NTM: variants seen among roughly 807,000 people sequenced by gnomAD.
The protein encoded by NTM is IgLON family member 2.
NTM carries 13 observed loss-of-function variants against 42.1 expected under a neutral mutation model. That is an observed-to-expected ratio of 0.31 (90% CI 0.20 to 0.49). NTM has a LOEUF of 0.49. Ranked by LOEUF, NTM falls within the 20% of genes least tolerant of loss-of-function variation. The probability of loss-of-function intolerance (pLI) is 0.99; values close to 1 mark genes in which losing one functional copy is unlikely to be tolerated. For synonymous variants in NTM, 187 were observed against 179.2 expected (o/e 1.04, Z -0.35); for missense variants, 373 against 452.8 (o/e 0.82, Z 1.60).
At chr11:131,555,394 A>G (rs569152026) in intron 1 of NTM, among the ~76,000 whole-genome samples, 3 of 152,274 alleles carry the variant, frequency 2.0e-5, no homozygotes, top group Admixed American at 6.5e-5. Flanking sequence ...GATTAAATCT[A>G]TATTGAGGGC....
At chr11:131,648,154 C>T (rs1343953005) in intron 1 of NTM, among the ~76,000 whole-genome samples, 1 of 152,160 alleles carries the variant, frequency 6.6e-6, no homozygotes, top group African/African-American at 2.4e-5. Context: ...TGATGGCCTC[C>T]AGCTCCATCC....
chr11:131,955,721 G>A (rs2061490198), intron 2 of NTM, among the ~76,000 whole-genome samples: 1 of 151,462 alleles, frequency 6.6e-6, no homozygotes, highest in East Asian at 2.0e-4. Context: ...CCCACCTCTG[G>A]TGCTGTGCTG....
chr11:131,772,718 A>G (rs533871714), intron 1 of NTM, among the ~76,000 whole-genome samples: 2 of 152,346 alleles, frequency 1.3e-5, no homozygotes, highest in East Asian at 3.9e-4. Context: ...AGGACTCCTA[A>G]TCCATGGAAA....
intron 1 of NTM, chr11:131,536,401 C>T (rs1208280591): frequency 1.3e-5 from 2 of 152,144 alleles, no homozygotes; most frequent in Non-Finnish European, 1.5e-5. Flanking sequence ...TACTGGGGGA[C>T]ATGCACATAG....
At chr11:131,804,056 A>G (rs1475864297) in intron 1 of NTM, among the ~76,000 whole-genome samples, 1 of 152,142 alleles carries the variant, frequency 6.6e-6, no homozygotes, top group Non-Finnish European at 1.5e-5. Flanking sequence ...TCTGTCTCTC[A>G]GGCCTGCTGA....
chr11:132,325,105 C>T (rs2095650891), intron 7 of NTM, among the ~76,000 whole-genome samples: 1 of 151,986 alleles, frequency 6.6e-6, no homozygotes, highest in Non-Finnish European at 1.5e-5. Context: ...AGGACATAGG[C>T]GTGGGCAAGG....
chr11:131,464,193 A>G, intron 1 of NTM, among the ~76,000 whole-genome samples: 1 of 152,050 alleles, frequency 6.6e-6, no homozygotes, highest in Non-Finnish European at 1.5e-5. Context: ...TGAAAGTGTC[A>G]GGCAAAGCAA....
At chr11:131,844,940 A>G (rs1216518941) in intron 1 of NTM, among the ~76,000 whole-genome samples, 1 of 151,970 alleles carries the variant, frequency 6.6e-6, no homozygotes, top group Non-Finnish European at 1.5e-5. Context: ...TATTATCTTC[A>G]TTTCTTTGTC....
At chr11:132,071,805 C>T (rs12295553) in intron 2 of NTM, among the ~76,000 whole-genome samples, 40,613 of 151,758 alleles carry the variant, frequency 0.27, 5,756 homozygotes, top group African/African-American at 0.34. Flanking sequence ...CAAAAAAGTG[C>T]GTTGTATTAT....
At chr11:131,682,137 C>A (rs1465500507) in intron 1 of NTM, among the ~76,000 whole-genome samples, 1 of 152,104 alleles carries the variant, frequency 6.6e-6, no homozygotes, top group Non-Finnish European at 1.5e-5. Context: ...TGGGTCATCT[C>A]CCTGGCACGA....
intron 1 of NTM, among the ~76,000 whole-genome samples, chr11:131,689,483 C>T (rs1324674310): frequency 2.0e-5 from 3 of 152,272 alleles, no homozygotes; most frequent in Non-Finnish European, 4.4e-5. Context: ...TAATTCAACA[C>T]TATCTCAGTC....
chr11:131,886,807 G>A (rs924132871), intron 1 of NTM, among the ~76,000 whole-genome samples: 2 of 152,214 alleles, frequency 1.3e-5, no homozygotes, highest in Non-Finnish European at 2.9e-5. Flanking sequence ...GGGACGCTGT[G>A]TCTCCATACA....
intron 2 of NTM, among the ~76,000 whole-genome samples, chr11:132,093,016 C>G (rs549750384): frequency 3.3e-5 from 5 of 152,244 alleles, no homozygotes; most frequent in African/African-American, 9.6e-5. Flanking sequence ...CTAGAAAGAG[C>G]CTTTGAAATG....
chr11:131,429,003 C>T (rs1470126276), intron 1 of NTM, among the ~76,000 whole-genome samples: 4 of 151,806 alleles, frequency 2.6e-5, no homozygotes, highest in African/African-American at 9.7e-5. Flanking sequence ...TGCAGTAAGC[C>T]GAGATCGTGC....
chr11:132,069,496 C>T (rs868009539), intron 2 of NTM, among the ~76,000 whole-genome samples: 16 of 128,768 alleles, frequency 1.2e-4, no homozygotes, highest in African/African-American at 4.9e-4. Context: ...TGTCACACAG[C>T]CAAGTTAACA....
chr11:132,233,760 G>T (rs552760344), intron 4 of NTM, among the ~76,000 whole-genome samples: 7 of 152,234 alleles, frequency 4.6e-5, no homozygotes, highest in African/African-American at 1.7e-4. Context: ...TCCCTGCACT[G>T]CATGAACATG....
intron 1 of NTM, among the ~76,000 whole-genome samples, chr11:131,453,692 A>C (rs1950654293): frequency 6.6e-6 from 1 of 152,172 alleles, no homozygotes. Flanking sequence ...GTGAAAGGGA[A>C]CTGTCTAAAG....
intron 1 of NTM, among the ~76,000 whole-genome samples, chr11:131,436,146 C>T (rs528572347): frequency 2.5e-4 from 38 of 152,242 alleles, no homozygotes; most frequent in African/African-American, 8.7e-4. Context: ...CTGAATTGAT[C>T]GTGGTGGATA....
At chr11:132,118,469 G>A (rs1257799686) in intron 2 of NTM, among the ~76,000 whole-genome samples, 1 of 152,232 alleles carries the variant, frequency 6.6e-6, no homozygotes, top group African/African-American at 2.4e-5. Context: ...GGAAGATAAA[G>A]CAAGGTGGAG....
Sources: allele counts gnomAD v4.1 joint callset (sites outside exome capture counted in the v4.1 genomes callset), GRCh38; gene constraint gnomAD v4.1.1; transcripts MANE v1.5; gene names NCBI Gene and HGNC (gene_info 2026-07-23, HGNC 2026-07-21).